KMT2E: variants seen among roughly 807,000 people sequenced by gnomAD.
KMT2E encodes the protein histone reader KMT2E.
Under a neutral mutation model 184.6 loss-of-function variants are expected in KMT2E, and 30 were observed. The observed-to-expected ratio is 0.16, with a 90% CI of 0.12 to 0.22. The LOEUF is 0.22. Ranked by LOEUF, KMT2E falls within the 10% of genes least tolerant of loss-of-function variation. The pLI, the probability that KMT2E is intolerant of heterozygous loss-of-function variation, is 1.00. For synonymous variants in KMT2E, 815 were observed against 776.5 expected (o/e 1.05, Z -0.82); for missense variants, 2,023 against 2,237.4 (o/e 0.90, Z 1.93).
chr7:105,108,492 G>A (rs1343193868), intron 22 of KMT2E: 2 of 444,398 alleles, frequency 4.5e-6, no homozygotes, highest in Non-Finnish European at 9.1e-6. Context: ...TAGGCTTATT[G>A]CTTTGCAAGT....
intron 1 of KMT2E, among the ~76,000 whole-genome samples, chr7:105,033,796 G>C (rs1023161051): frequency 7.2e-5 from 11 of 152,150 alleles, no homozygotes; most frequent in African/African-American, 2.7e-4. Context: ...ACTGCGCCCG[G>C]CCCAAAGGGT....
At chr7:105,092,671 A>G (rs773146606) in intron 15 of KMT2E, among the ~76,000 whole-genome samples, 1 of 152,226 alleles carries the variant, frequency 6.6e-6, no homozygotes, top group Non-Finnish European at 1.5e-5. Context: ...ATTCAATTAT[A>G]TATAAGTTAT....
At chr7:105,081,434 T>TATG (rs1284283064) in intron 12 of KMT2E, among the ~76,000 whole-genome samples, 1 of 149,540 alleles carries the variant, frequency 6.7e-6, no homozygotes, top group Non-Finnish European at 1.5e-5. Context: ...TTATTATTAT[T>TATG]ATTATTATTA....
At chr7:105,079,560 C>T (rs1298454717) in intron 12 of KMT2E, among the ~76,000 whole-genome samples, 1 of 113,428 alleles carries the variant, frequency 8.8e-6, no homozygotes, top group Non-Finnish European at 1.6e-5. Flanking sequence ...GTCTCACTGT[C>T]TCCCAGGCTG....
chr7:105,014,534 A>C lies in KMT2E; in HGVS notation c.-190A>C, dbSNP rs1794626947. The C allele has an allele frequency of 6.6e-6, 1 of 151,014 alleles. No individual in the cohort carries two copies. The highest frequency in any genetic ancestry group is 2.4e-5 in the African/African-American group (1 of 40,824). 9.4% of individuals were successfully genotyped at this position (151,014 alleles called of 1,614,324 possible). On this transcript the variant is annotated splice_region_variant and 5_prime_UTR_variant, in exon 1 of 27. Transcript: ENST00000311117. Reference sequence around the variant, plus strand: ...CGGGTGTCTCGTGTGTGAACATCACAGGTTAGTGCCTGTCGTCTCCATGGG... The same window carrying C: ...CGGGTGTCTCGTGTGTGAACATCACCGGTTAGTGCCTGTCGTCTCCATGGG...
At chr7:105,028,195 G>C (rs1044687510) in intron 1 of KMT2E, among the ~76,000 whole-genome samples, 2 of 150,410 alleles carry the variant, frequency 1.3e-5, no homozygotes, top group Non-Finnish European at 3.0e-5. Flanking sequence ...GTGAGACAGA[G>C]TCTGGCTCTG....
At chr7:105,030,368 A>T (rs1053924978) in intron 1 of KMT2E, among the ~76,000 whole-genome samples, 4 of 152,246 alleles carry the variant, frequency 2.6e-5, no homozygotes, top group Admixed American at 6.5e-5. Context: ...TGGGTGGGAA[A>T]GAAAAGGAAA....
chr7:105,107,151 T>A lies in KMT2E; in HGVS notation c.2848-15T>A, dbSNP rs757367033. On this transcript the variant is annotated splice_polypyrimidine_tract_variant and intron_variant, in intron 20 of 26. Coordinates refer to ENST00000311117, the MANE Select transcript of KMT2E (RefSeq NM_182931.3). ...ATTTTTAAATTTTCAATTCTAATTC[T>A]TTCTTTATATACAGAATATTTCTTC... The A allele has an allele frequency of 6.0e-6, 8 of 1,338,584 alleles. No individual in the cohort carries two copies. The African/African-American group carries it at 1.0e-4, about 17-fold the overall frequency. 82.9% of individuals were successfully genotyped at this position (1,338,584 alleles called of 1,614,324 possible).
At chr7:105,071,945 A>G (rs906934303) in intron 6 of KMT2E, among the ~76,000 whole-genome samples, 4 of 151,942 alleles carry the variant, frequency 2.6e-5, no homozygotes, top group Non-Finnish European at 4.4e-5. Context: ...TCCCTTTGAT[A>G]GTAGTCTTTT....
At chr7:105,111,634 C>A (rs1162033952) in intron 26 of KMT2E, among the ~76,000 whole-genome samples, 191 bp from the exon 27 acceptor site, 1 of 152,088 alleles carries the variant, frequency 6.6e-6, no homozygotes, top group African/African-American at 2.4e-5. Flanking sequence ...AGCTCACGCT[C>A]ATAACTTTTT....
At chr7:105,090,897 C>T (rs1798175873) in intron 14 of KMT2E, among the ~76,000 whole-genome samples, 1 of 152,100 alleles carries the variant, frequency 6.6e-6, no homozygotes, top group African/African-American at 2.4e-5. Context: ...ACTTTTTGAG[C>T]ACTGGGTATT....
chr7:105,037,527 T>C (rs2129565077), intron 1 of KMT2E, among the ~76,000 whole-genome samples: 1 of 152,156 alleles, frequency 6.6e-6, no homozygotes, highest in African/African-American at 2.4e-5. Context: ...CACATCCAGC[T>C]AGTTTTTGTA....
In KMT2E at chr7:105,112,995, C is replaced by G. The variant is rs117789844; in HGVS notation, c.5239C>G (p.Pro1747Ala). 5.3e-4 allele frequency: 852 copies of G among 1,614,074 alleles called. 10 individuals are homozygous for G. In the East Asian group the frequency reaches 0.017, roughly 32 times the overall value. The change falls in exon 27 of 27, where the codon CCT becomes GCT. Residue 1747 changes from proline (P) to alanine (A), a missense_variant. Physicochemically the swap from Pro to Ala is conservative, Grantham distance 27. Coordinates refer to ENST00000311117, the MANE Select transcript of KMT2E (RefSeq NM_182931.3). ...CTTACACCACCCACCTCATCAAGGA[C>G]CTCCACTTTTTCCTTCGAGTGCTCA... ...QALHHPPHQG[P>A]PLFPSSAHPT... is the part of the protein sequence containing the mutation.
rs1562937593 is a variant in KMT2E, at chr7:105,112,436, G to A, written c.4680G>A (p.Gln1560=). The A allele has an allele frequency of 1.9e-6, 3 of 1,613,176 alleles. No individual in the cohort carries two copies. The highest frequency in any genetic ancestry group is 1.7e-6 in the Non-Finnish European group (2 of 1,179,848). Residue 1560 remains glutamine (Q), a synonymous_variant, in exon 27 of 27, where the codon CAG becomes CAA. Coordinates refer to ENST00000311117, the MANE Select transcript of KMT2E (RefSeq NM_182931.3). ...CTTCTTCGTCTTACTATCAAAACCA[G>A]CAGCCCTCTGCAAACTTTCAGAATT... is the stretch of plus-strand genomic sequence containing the variant. ...PPPSSSYYQN[Q]QPSANFQNYN...
At chr7:105,096,247 C>CAAAAAAAAAAAAA (rs11330758) in intron 15 of KMT2E, among the ~76,000 whole-genome samples, 1 of 69,268 alleles carries the variant, frequency 1.4e-5, no homozygotes, top group Non-Finnish European at 2.8e-5. Flanking sequence ...GTGAAAGGCT[C>CAAAAAAAAAAAAA]AAAAAAAAAA....
In KMT2E at chr7:105,112,774, C is replaced by T. The variant is rs1799373533; in HGVS notation, c.5018C>T (p.Ala1673Val). Residue 1673 changes from alanine to valine, a missense_variant, in exon 27 of 27, where the codon GCT becomes GTT. By Grantham distance (64) the Ala-to-Val change is moderately conservative. Coordinates refer to ENST00000311117, the MANE Select transcript of KMT2E (RefSeq NM_182931.3). ...GGGTCGCATATTCATTCTCAAACTG[C>T]TGGACACCACTTACCCCCACCCCCA... ...TPGSHIHSQT[A>V]GHHLPPPPPP... 6.2e-7 allele frequency: 1 copy of T among 1,613,078 alleles called. No homozygotes were observed. The highest frequency in any genetic ancestry group is 2.2e-5 in the East Asian group (1 of 44,778).
intron 12 of KMT2E, among the ~76,000 whole-genome samples, chr7:105,081,239 C>A (rs1320865565): frequency 2.6e-5 from 4 of 151,780 alleles, no homozygotes; most frequent in South Asian, 2.1e-4. Flanking sequence ...AAAAAATAAG[C>A]CGGGCATGGT....
Position 105,090,240 on chromosome 7 carries a change from T to C in KMT2E, c.1590T>C (p.Leu530=), listed in dbSNP as rs764120359. The change falls in exon 14 of 27, where the codon CTT becomes CTC. Residue 530 remains leucine (L), a synonymous_variant. Transcript: ENST00000311117. ...GCCCAGAAACTAAACAAAGAAAGCT[T>C]TCTCCACTGAGACTATCAGTATCAA... is the stretch of plus-strand genomic sequence containing the variant. ...MKSPETKQRK[L]SPLRLSVSNN... 4 of 1,602,858 alleles carry C rather than the reference T, an allele frequency of 2.5e-6. No individual in the cohort carries two copies. The African/African-American group carries it at 5.4e-5, about 22-fold the overall frequency.
chr7:105,049,752 T>G (rs1382489167), intron 3 of KMT2E, among the ~76,000 whole-genome samples: 1 of 151,818 alleles, frequency 6.6e-6, no homozygotes, highest in African/African-American at 2.4e-5. Flanking sequence ...ATTAGCTGGC[T>G]GTAGTGGCGG....
Sources: allele counts gnomAD v4.1 joint callset (sites outside exome capture counted in the v4.1 genomes callset), GRCh38; gene constraint gnomAD v4.1.1; transcripts MANE v1.5; gene names NCBI Gene and HGNC (gene_info 2026-07-23, HGNC 2026-07-21).